The following RBFOX1 variants were observed in gnomAD, a reference collection of about 807,000 sequenced individuals.
RBFOX1 encodes RNA binding fox-1 homolog 1.
Under a neutral mutation model 57.7 loss-of-function variants are expected in RBFOX1, and 8 were observed. That is an observed-to-expected ratio of 0.14 (90% CI 0.08 to 0.25). The LOEUF is 0.25. Among genes scored for constraint, RBFOX1 ranks in the 10% least tolerant of loss-of-function variants. RBFOX1 has a pLI of 1.00. For synonymous variants in RBFOX1, 326 were observed against 222.4 expected (o/e 1.47, Z -4.15); for missense variants, 611 against 548.5 (o/e 1.11, Z -1.14).
intron 3 of RBFOX1, among the ~76,000 whole-genome samples, chr16:6,729,419 C>G (rs915336854): frequency 6.6e-6 from 1 of 152,310 alleles, no homozygotes; most frequent in East Asian, 1.9e-4. Context: ...TGCAGTCTTA[C>G]AGGCGTTCTG....
At chr16:5,616,189 G>C (rs1195719656) in intron 3 of RBFOX1, 1 of 152,444 alleles carries the variant, frequency 6.6e-6, no homozygotes, top group Non-Finnish European at 1.5e-5. Context: ...CCCTGGGCTG[G>C]CTTAACGGTC....
At chr16:6,903,772 C>G (rs1318616136) in intron 3 of RBFOX1, among the ~76,000 whole-genome samples, 1 of 152,104 alleles carries the variant, frequency 6.6e-6, no homozygotes, top group South Asian at 2.1e-4. Context: ...GGGCTGAGGG[C>G]CTTTCGGAGC....
At chr16:6,356,254 G>A (rs1294854484) in intron 2 of RBFOX1, among the ~76,000 whole-genome samples, 1 of 152,164 alleles carries the variant, frequency 6.6e-6, no homozygotes, top group Admixed American at 6.5e-5. Flanking sequence ...AGGAAAGGGA[G>A]CAATGTTGCA....
At chr16:5,871,123 C>A (rs762679064) in intron 4 of RBFOX1, among the ~76,000 whole-genome samples, 1 of 152,232 alleles carries the variant, frequency 6.6e-6, no homozygotes, top group Non-Finnish European at 1.5e-5. Context: ...TGCCACCCCT[C>A]CCTGCACCAC....
chr16:6,158,969 C>G (rs929972764), intron 1 of RBFOX1, among the ~76,000 whole-genome samples: 1 of 151,724 alleles, frequency 6.6e-6, no homozygotes, highest in African/African-American at 2.4e-5. Flanking sequence ...GTAGTGCACT[C>G]TCGGCTCACT....
chr16:7,260,468 T>C (rs2094874781), intron 4 of RBFOX1, among the ~76,000 whole-genome samples: 2 of 151,856 alleles, frequency 1.3e-5, no homozygotes, highest in African/African-American at 2.4e-5. Context: ...AAGGCACTGT[T>C]TGATTTTTTT....
At chr16:6,207,746 G>A (rs1054137668) in intron 1 of RBFOX1, among the ~76,000 whole-genome samples, 3 of 152,110 alleles carry the variant, frequency 2.0e-5, no homozygotes, top group African/African-American at 7.2e-5. Context: ...GGAGTGCAGT[G>A]GTGCGCATGT....
At chr16:6,975,217 A>T (rs1050349837) in intron 3 of RBFOX1, among the ~76,000 whole-genome samples, 1 of 152,080 alleles carries the variant, frequency 6.6e-6, no homozygotes, top group Non-Finnish European at 1.5e-5. Context: ...GACGCACAGA[A>T]TTTAAGAGGC....
chr16:7,186,574 A>G (rs2083884414), intron 4 of RBFOX1, among the ~76,000 whole-genome samples: 1 of 119,130 alleles, frequency 8.4e-6, no homozygotes, highest in African/African-American at 3.5e-5. Context: ...ACATATTTAT[A>G]TAAATATAAG....
chr16:5,874,888 G>T (rs1239079704), intron 4 of RBFOX1, among the ~76,000 whole-genome samples: 1 of 152,182 alleles, frequency 6.6e-6, no homozygotes, highest in Non-Finnish European at 1.5e-5. Context: ...TGAGGCTGCA[G>T]TGAGCTATGA....
At chr16:6,185,720 T>G (rs2097101011) in intron 1 of RBFOX1, among the ~76,000 whole-genome samples, 1 of 152,234 alleles carries the variant, frequency 6.6e-6, no homozygotes, top group Non-Finnish European at 1.5e-5. Flanking sequence ...GAAATAAAAC[T>G]TGGAGAAAGA....
chr16:7,598,423 A>G (rs1019698588), intron 9 of RBFOX1, among the ~76,000 whole-genome samples: 2 of 152,166 alleles, frequency 1.3e-5, no homozygotes, highest in Non-Finnish European at 2.9e-5. Context: ...ATATAACTTT[A>G]TTACATCAAA....
intron 1 of RBFOX1, among the ~76,000 whole-genome samples, chr16:6,230,701 T>G (rs759572956): frequency 2.0e-5 from 3 of 152,222 alleles, no homozygotes; most frequent in Non-Finnish European, 4.4e-5. Flanking sequence ...TTTGCCTGAT[T>G]GAGCAAATAT....
intron 3 of RBFOX1, among the ~76,000 whole-genome samples, chr16:6,736,154 C>A (rs185713303): frequency 1.5e-3 from 230 of 152,020 alleles, no homozygotes; most frequent in African/African-American, 5.4e-3. Flanking sequence ...CATGGAAAAC[C>A]AGTTTATTTT....
chr16:7,456,282 A>G (rs2058499770), intron 4 of RBFOX1, among the ~76,000 whole-genome samples: 1 of 152,104 alleles, frequency 6.6e-6, no homozygotes, highest in South Asian at 2.1e-4. Context: ...CCCTTATACA[A>G]ATACAGAAGG....
rs77322726 is a variant in RBFOX1 at position 6,701,876 on chromosome 16, C to G, written c.-16+47226C>G. Among the ~76,000 whole-genome samples, 3,685 of 152,188 alleles carry G rather than the reference C, an allele frequency of 0.024. 288 individuals carry two copies. The East Asian group carries it at 0.3, about 13-fold the overall frequency. On this transcript the variant is annotated intron_variant, in intron 3 of 15. Coordinates refer to ENST00000550418, the MANE Select transcript of RBFOX1 (RefSeq NM_018723.4). ...CAGAAAAGCAAATACTGTGTTCTCA[C>G]TTATAAATGCGATCTAAACACTGAG...
chr16:7,471,792 G>C (rs1478896072), intron 4 of RBFOX1, among the ~76,000 whole-genome samples: 1 of 152,190 alleles, frequency 6.6e-6, no homozygotes, highest in Non-Finnish European at 1.5e-5. Flanking sequence ...TAAGAGTGAT[G>C]TGTGATTCTC....
intron 3 of RBFOX1, among the ~76,000 whole-genome samples, chr16:5,791,486 T>A (rs1188054841): frequency 6.6e-6 from 1 of 152,136 alleles, no homozygotes. Flanking sequence ...GGCTGGGTAA[T>A]GGTCTATCGT....
At chr16:6,863,988 CCT>C (rs1491234158) in intron 3 of RBFOX1, among the ~76,000 whole-genome samples, 36 of 96,556 alleles carry the variant, frequency 3.7e-4, no homozygotes, top group African/African-American at 4.8e-4. Context: ...TCTTTATGTT[CCT>C]TTTTTTTTTT....
Sources: gnomAD v4.1 joint callset for allele counts (sites outside exome capture counted in the v4.1 genomes callset) on GRCh38, gnomAD v4.1.1 for gene constraint, MANE v1.5 for transcripts, NCBI Gene and HGNC (gene_info 2026-07-23, HGNC 2026-07-21) for gene names.